UTRN: variants seen among roughly 807,000 people sequenced by gnomAD.
The protein encoded by UTRN is utrophin, also known as dystrophin-related protein 1.
UTRN carries 283 observed loss-of-function variants against 463.9 expected under a neutral mutation model. The ratio of observed to expected loss-of-function variants is 0.61; its 90% CI spans 0.55 to 0.67. The LOEUF is 0.67. Ranked by LOEUF, UTRN falls within the 30% of genes least tolerant of loss-of-function variation. The pLI is 0.00. For missense variants in UTRN, 3,922 were observed against 4,084.3 expected (o/e 0.96, Z 1.08); for synonymous variants, 1,442 against 1,431.5 (o/e 1.01, Z -0.17).
intron 10 of UTRN, among the ~76,000 whole-genome samples, chr6:144,436,436 A>G (rs1786537662): frequency 6.6e-6 from 1 of 152,218 alleles, no homozygotes; most frequent in Non-Finnish European, 1.5e-5. Flanking sequence ...TTCAAAAGCA[A>G]ACGAGTGAAC....
chr6:144,464,934 A>G (rs930640490), intron 23 of UTRN, among the ~76,000 whole-genome samples: 12 of 152,158 alleles, frequency 7.9e-5, no homozygotes, highest in Admixed American at 2.0e-4. Context: ...ATTATCAGTG[A>G]TTCTCAACCG....
chr6:144,661,062 G>T (rs1779816642), intron 51 of UTRN, among the ~76,000 whole-genome samples: 1 of 152,142 alleles, frequency 6.6e-6, no homozygotes, highest in Non-Finnish European at 1.5e-5. Flanking sequence ...GAAAAAGAAA[G>T]GCAGAAAGGG....
chr6:144,407,164 G>A (rs1217575610), intron 3 of UTRN, among the ~76,000 whole-genome samples: 2 of 151,952 alleles, frequency 1.3e-5, no homozygotes, highest in Non-Finnish European at 2.9e-5. Flanking sequence ...TTTTTTCCTA[G>A]GTTAGACATA....
rs1780300238 is a variant in UTRN at position 144,827,602 on chromosome 6, C to A, written c.9534-9C>A. ...CATAAAATTATTGCTTTGTTTTTTT[C>A]TTTTAAAGCCCCTCACAATCTCCTC... On this transcript the variant is annotated splice_polypyrimidine_tract_variant and intron_variant, in intron 67 of 74. Coordinates refer to ENST00000367545, the MANE Select transcript of UTRN (RefSeq NM_007124.3). 6.2e-7 allele frequency: 1 copy of A among 1,612,448 alleles called. No individual in the cohort carries two copies. Among genetic ancestry groups the A allele is most frequent in the African/African-American group, 1.3e-5 (1 of 74,762 alleles).
chr6:144,505,813 A>G (rs973950349), intron 34 of UTRN, among the ~76,000 whole-genome samples: 5 of 152,094 alleles, frequency 3.3e-5, no homozygotes, highest in East Asian at 1.9e-4. Flanking sequence ...ATCCTTGTTA[A>G]TTTTCTGCCT....
Position 144,551,166 on chromosome 6 carries a change from CACAA to C in UTRN, c.6928+88_6928+91del, listed in dbSNP as rs1388601722. The C allele has an allele frequency of 7.8e-3, 6,095 of 777,858 alleles. 24 individuals carry two copies. The highest frequency in any genetic ancestry group is 0.018 in the South Asian group (778 of 43,978). 48.2% of individuals were successfully genotyped at this position (777,858 alleles called of 1,614,324 possible). ...ACACACACACACACACACACACACACACAAACACATTTTCAAAGATTATTCAACT... is the reference window on the plus strand; with the variant it reads ...ACACACACACACACACACACACACACACACATTTTCAAAGATTATTCAACT... On this transcript the variant is annotated intron_variant, in intron 48 of 74. Transcript: ENST00000367545.
At chr6:144,752,737 T>C (rs140316600) in intron 56 of UTRN, among the ~76,000 whole-genome samples, 1 of 152,334 alleles carries the variant, frequency 6.6e-6, no homozygotes, top group Non-Finnish European at 1.5e-5. Flanking sequence ...TTTATTCTTT[T>C]TTTTTCTTCT....
At chr6:144,423,913 TA>T in intron 5 of UTRN, 72 bp from the exon 6 acceptor site, 1 of 1,484,832 alleles carries the variant, frequency 6.7e-7, no homozygotes, top group Non-Finnish European at 9.3e-7. Flanking sequence ...TGTGCTAAAA[TA>T]AAAACCTGGA....
At chr6:144,653,447 G>A (rs904750722) in intron 51 of UTRN, among the ~76,000 whole-genome samples, 2 of 151,994 alleles carry the variant, frequency 1.3e-5, no homozygotes, top group African/African-American at 4.8e-5. Flanking sequence ...TTAGCCAGAT[G>A]TGGTGGCAGG....
chr6:144,544,977 A>G (rs1798273911), intron 46 of UTRN, among the ~76,000 whole-genome samples: 1 of 152,116 alleles, frequency 6.6e-6, no homozygotes. Context: ...ATTACATAAC[A>G]TTGGATATAC....
At chr6:144,748,867 T>C (rs1327600100) in intron 55 of UTRN, among the ~76,000 whole-genome samples, 1 of 152,234 alleles carries the variant, frequency 6.6e-6, no homozygotes, top group Non-Finnish European at 1.5e-5. Flanking sequence ...TTTCAGTTTA[T>C]TTGTTAAAGA....
At chr6:144,832,157 A>G (rs1780725366) in intron 69 of UTRN, among the ~76,000 whole-genome samples, 1 of 152,100 alleles carries the variant, frequency 6.6e-6, no homozygotes, top group Admixed American at 6.5e-5. Flanking sequence ...CTCATGTTCT[A>G]TCTGCATTTA....
chr6:144,292,066 A>G (rs985500567), intron 2 of UTRN, among the ~76,000 whole-genome samples, 159 bp downstream of exon 2: 3 of 152,264 alleles, frequency 2.0e-5, no homozygotes, highest in Non-Finnish European at 2.9e-5. Context: ...TAAAAGGTAT[A>G]TGTAAAAGGT....
chr6:144,537,507 T>G, intron 43 of UTRN, 75 bp from the exon 44 acceptor site: 5 of 1,126,386 alleles, frequency 4.4e-6, no homozygotes, highest in Non-Finnish European at 5.8e-6. Context: ...AGTCAGGATA[T>G]TCAAAGCAAA....
intron 58 of UTRN, among the ~76,000 whole-genome samples, chr6:144,767,784 A>T (rs1388021860): frequency 6.6e-6 from 1 of 152,204 alleles, no homozygotes; most frequent in Non-Finnish European, 1.5e-5. Flanking sequence ...TCTCAGAGCA[A>T]TATACATAGT....
intron 23 of UTRN, among the ~76,000 whole-genome samples, chr6:144,472,918 CA>C (rs1272467862): frequency 6.6e-6 from 1 of 151,994 alleles, no homozygotes; most frequent in Non-Finnish European, 1.5e-5. Flanking sequence ...ACAGGTGCCC[CA>C]CCACGCCCCC....
chr6:144,462,112 C>G (rs943149691), intron 22 of UTRN, among the ~76,000 whole-genome samples: 4 of 151,998 alleles, frequency 2.6e-5, no homozygotes, highest in African/African-American at 9.7e-5. Context: ...ACCATGTGTC[C>G]GTATGTTCTC....
At chr6:144,440,549 T>G (rs191265645) in intron 13 of UTRN, 78 bp downstream of exon 13, 187 of 1,579,536 alleles carry the variant, frequency 1.2e-4, no homozygotes, top group Admixed American at 2.4e-4. Context: ...TTGTTCTTCA[T>G]GTCCTTTCTC....
chr6:144,315,293 G>A (rs770728608), intron 2 of UTRN, among the ~76,000 whole-genome samples: 24 of 152,336 alleles, frequency 1.6e-4, no homozygotes, highest in Middle Eastern at 6.8e-3. Flanking sequence ...GGCCTGAACA[G>A]TGGCTTATCT....
Sources: allele counts gnomAD v4.1 joint callset (sites outside exome capture counted in the v4.1 genomes callset), GRCh38; gene constraint gnomAD v4.1.1; transcripts MANE v1.5; gene names NCBI Gene and HGNC (gene_info 2026-07-23, HGNC 2026-07-21).